The following FGF21 variants were observed in gnomAD, a reference collection of about 807,000 sequenced individuals.
The protein encoded by FGF21 is fibroblast growth factor 21.
A neutral mutation model predicts 13.4 loss-of-function variants in FGF21; 13 were observed. The observed-to-expected ratio is 0.97, with a 90% CI of 0.63 to 1.54. The LOEUF (loss-of-function observed/expected upper bound fraction) is 1.54. Ranked by LOEUF, FGF21 falls within the 40% of genes most tolerant of loss-of-function variation. FGF21 has a pLI of 0.00. For missense variants in FGF21, 303 were observed against 272.4 expected (o/e 1.11, Z -0.79); for synonymous variants, 124 against 123.6 (o/e 1.00, Z -0.02).
At position 48,756,412 on chromosome 19, in the gene FGF21, C is replaced by T. The variant is rs1465649236; in HGVS notation, c.176C>T (p.Ala59Val). The change falls in exon 2 of 4, where the codon GCC (alanine) becomes GTC (valine). Residue 59 changes from alanine to valine, a missense_variant. Coordinates refer to ENST00000593756, the MANE Select transcript of FGF21 (RefSeq NM_019113.4). ...ACAGATGATGCCCAGCAGACAGAAG[C>T]CCACCTGGAGATCAGGGAGGATGGG... ...LYTDDAQQTE[A>V]HLEIREDGTV... is the part of the protein sequence containing the mutation. The T allele has an allele frequency of 2.5e-6, 4 of 1,613,884 alleles. No individual in the cohort carries two copies. Among genetic ancestry groups the T allele is most frequent in the Middle Eastern group, 1.6e-4 (1 of 6,062 alleles).
In FGF21 at chr19:48,757,945, G is replaced by A; in HGVS notation, c.355G>A (p.Glu119Lys). 2 of 1,566,890 alleles carry A rather than the reference G, an allele frequency of 1.3e-6. No homozygotes were observed. The highest frequency in any genetic ancestry group is 1.7e-6 in the Non-Finnish European group (2 of 1,156,364). ...ALYGSLHFDP[E>K]ACSFRELLLE... ...TGTCCCCTAGCTCCACTTTGACCCTGAGGCCTGCAGCTTCCGGGAGCTGCT... is the reference window on the plus strand; with the variant it reads ...TGTCCCCTAGCTCCACTTTGACCCTAAGGCCTGCAGCTTCCGGGAGCTGCT... Residue 119 changes from glutamate (E) to lysine (K), a missense_variant, in exon 4 of 4, where the codon GAG becomes AAG. Glu to Lys is a moderately conservative substitution (Grantham distance 56, BLOSUM62 1). Transcript: ENST00000593756.
chr19:48,756,944 C>G lies in FGF21; in HGVS notation c.254C>G (p.Ala85Gly), dbSNP rs761964608. ...CCCTTAGGTCTCCTGCAGCTGAAAG[C>G]CTTGAAGCCGGGAGTTATTCAAATC... is the stretch of plus-strand genomic sequence containing the variant. ...QSPESLLQLK[A>G]LKPGVIQILG... Residue 85 changes from alanine to glycine, a missense_variant, in exon 3 of 4, where the codon GCC becomes GGC. By Grantham distance (60) the Ala-to-Gly change is moderately conservative. Coordinates refer to ENST00000593756, the MANE Select transcript of FGF21 (RefSeq NM_019113.4). The G allele has an allele frequency of 1.9e-6, 3 of 1,613,876 alleles. No individual in the cohort carries two copies. Among genetic ancestry groups the G allele is most frequent in the Middle Eastern group, 1.6e-4 (1 of 6,082 alleles).
At chr19:48,756,847 A>G (rs1269448640) in intron 2 of FGF21, 79 bp from the exon 3 acceptor site, 1 of 1,135,082 alleles carries the variant, frequency 8.8e-7, no homozygotes, top group South Asian at 1.3e-5. Flanking sequence ...ACAGAGCCGG[A>G]TGGTGGGACA....
chr19:48,757,915 GT>G lies in FGF21; in HGVS notation c.340-10del. On this transcript the variant is annotated splice_polypyrimidine_tract_variant and intron_variant, in intron 3 of 3. Coordinates refer to ENST00000593756, the MANE Select transcript of FGF21 (RefSeq NM_019113.4). The stretch of plus-strand genomic sequence containing the variant: ...ACAGAGGAACCCTGTCTCTGATCCT[GT>G]TTTTGTCCCCTAGCTCCACTTTGAC... 2 of 1,531,402 alleles carry G rather than the reference GT, an allele frequency of 1.3e-6. No homozygotes were observed. Among genetic ancestry groups the G allele is most frequent in the Non-Finnish European group, 1.8e-6 (2 of 1,139,326 alleles). The allele number at this position is 1,531,402 out of a possible 1,614,324, so 94.9% of individuals were successfully genotyped here.
chr19:48,757,986 C>T lies in FGF21; in HGVS notation c.396C>T (p.Tyr132=). The T allele has an allele frequency of 1.9e-6, 3 of 1,608,266 alleles. No individual in the cohort carries two copies. The highest frequency in any genetic ancestry group is 2.5e-6 in the Non-Finnish European group (3 of 1,177,222). ...GGGAGCTGCTTCTTGAGGACGGATA[C>T]AATGTTTACCAGTCCGAAGCCCACG... is the stretch of plus-strand genomic sequence containing the variant. ...SFRELLLEDG[Y]NVYQSEAHGL... is the part of the protein sequence containing the mutation. Residue 132 remains tyrosine (Y), a synonymous_variant, in exon 4 of 4, where the codon TAC becomes TAT. Coordinates refer to ENST00000593756, the MANE Select transcript of FGF21 (RefSeq NM_019113.4).
At chr19:48,756,648 G>A (rs1394664904) in intron 2 of FGF21, among the ~76,000 whole-genome samples, 177 bp downstream of exon 2, 1 of 150,276 alleles carries the variant, frequency 6.7e-6, no homozygotes, top group Non-Finnish European at 1.5e-5. Flanking sequence ...CTGGGTCTGA[G>A]GGAGGAGGGG....
Position 48,758,087 on chromosome 19 carries a change from C to A in FGF21, c.497C>A (p.Pro166Gln). Residue 166 changes from proline to glutamine, a missense_variant, in exon 4 of 4, where the codon CCA becomes CAA. By Grantham distance (76) the Pro-to-Gln change is moderately conservative. Coordinates refer to ENST00000593756, the MANE Select transcript of FGF21 (RefSeq NM_019113.4). Reference protein sequence around the residue: ...PAPRGPARFLPLPGLPPALPE... With the variant: ...PAPRGPARFLQLPGLPPALPE... ...CCCCGAGGACCAGCTCGCTTCCTGC[C>A]ACTACCAGGCCTGCCCCCCGCACTC... The A allele has an allele frequency of 6.2e-7, 1 of 1,612,376 alleles. No individual in the cohort carries two copies. The highest frequency in any genetic ancestry group is 8.5e-7 in the Non-Finnish European group (1 of 1,179,474).
In FGF21 at chr19:48,758,139, C is replaced by T. The variant is rs2034142409; in HGVS notation, c.549C>T (p.Pro183=). Residue 183 remains proline (P), a synonymous_variant, in exon 4 of 4, where the codon CCC becomes CCT. Coordinates refer to ENST00000593756, the MANE Select transcript of FGF21 (RefSeq NM_019113.4). ...CGGAGCCACCCGGAATCCTGGCCCCCCAGCCCCCCGATGTGGGCTCCTCGG... is the reference window on the plus strand; with the variant it reads ...CGGAGCCACCCGGAATCCTGGCCCCTCAGCCCCCCGATGTGGGCTCCTCGG... The part of the protein sequence containing the change: ...ALPEPPGILA[P]QPPDVGSSDP... 6.2e-7 allele frequency: 1 copy of T among 1,611,590 alleles called. No individual in the cohort carries two copies. Among genetic ancestry groups the T allele is most frequent in the Non-Finnish European group, 8.5e-7 (1 of 1,179,394 alleles).
Position 48,756,442 on chromosome 19 carries a change from TG to T in FGF21, c.212del (p.Gly71AlafsTer13). The T allele has an allele frequency of 6.2e-7, 1 of 1,613,138 alleles. No homozygotes were observed. The highest frequency in any genetic ancestry group is 1.7e-4 in the Middle Eastern group (1 of 6,050). On this transcript the variant is annotated frameshift_variant, in exon 2 of 4. Coordinates refer to ENST00000593756, the MANE Select transcript of FGF21 (RefSeq NM_019113.4). LOFTEE classifies it high-confidence loss of function. ...AHLEIREDGT[V>X]GGAADQSPES... The stretch of plus-strand genomic sequence containing the variant: ...CTGGAGATCAGGGAGGATGGGACGG[TG>T]GGGGGCGCTGCTGACCAGAGCCCCG...
At position 48,756,908 on chromosome 19, in the gene FGF21, A is replaced by G. The variant is rs2034112890; in HGVS notation, c.236-18A>G. 1 of 1,605,048 alleles carries G rather than the reference A, an allele frequency of 6.2e-7. No homozygotes were observed. The highest frequency in any genetic ancestry group is 1.7e-5 in the Admixed American group (1 of 59,938). On this transcript the variant is annotated intron_variant, in intron 2 of 3. Coordinates refer to ENST00000593756, the MANE Select transcript of FGF21 (RefSeq NM_019113.4). ...GTGGGAGAGGTCCTCGAACCACCTTATCGCTTTCACCCCTTAGGTCTCCTG... is the reference window on the plus strand; with the variant it reads ...GTGGGAGAGGTCCTCGAACCACCTTGTCGCTTTCACCCCTTAGGTCTCCTG...
intron 2 of FGF21, 131 bp from the exon 3 acceptor site, chr19:48,756,795 G>C: frequency 1.3e-6 from 1 of 771,864 alleles, no homozygotes. Context: ...TCCTGGGTCT[G>C]AGGGAGGAGG....
chr19:48,757,500 C>T (rs2034125048), intron 3 of FGF21, among the ~76,000 whole-genome samples: 2 of 152,176 alleles, frequency 1.3e-5, no homozygotes, highest in Non-Finnish European at 2.9e-5. Flanking sequence ...AGGCAGGTCC[C>T]TGCAGGAGAG....
At chr19:48,756,791 G>C in intron 2 of FGF21, 135 bp from the exon 3 acceptor site, 2 of 760,898 alleles carry the variant, frequency 2.6e-6, no homozygotes, top group Non-Finnish European at 4.5e-6. Flanking sequence ...CTTCTCCTGG[G>C]TCTGAGGGAG....
At chr19:48,756,693 G>T (rs2034107607) in intron 2 of FGF21, among the ~76,000 whole-genome samples, 2 of 151,708 alleles carry the variant, frequency 1.3e-5, no homozygotes, top group South Asian at 2.1e-4. Flanking sequence ...GGGAGGAGGG[G>T]CTGGGGGTCT....
At position 48,756,467 on chromosome 19, in the gene FGF21, C is replaced by T. The variant is rs779768254; in HGVS notation, c.231C>T (p.Pro77=). 1.1e-5 allele frequency: 18 copies of T among 1,611,644 alleles called. No individual in the cohort carries two copies. Among genetic ancestry groups the T allele is most frequent in the East Asian group, 6.7e-5 (3 of 44,822 alleles). Reference sequence around the variant, plus strand: ...TGGGGGGCGCTGCTGACCAGAGCCCCGAAAGTGAGTGTGGGCCAGAGCCTG... The same window carrying T: ...TGGGGGGCGCTGCTGACCAGAGCCCTGAAAGTGAGTGTGGGCCAGAGCCTG... ...GTVGGAADQS[P]ESLLQLKALK... The change falls in exon 2 of 4, where the codon CCC becomes CCT. Residue 77 remains proline, a synonymous_variant. Transcript: ENST00000593756.
rs1599769434 is a variant in FGF21, at chr19:48,756,166, G to A, written c.-71G>A. On this transcript the variant is annotated 5_prime_UTR_variant, in exon 2 of 4. Coordinates refer to ENST00000593756, the MANE Select transcript of FGF21 (RefSeq NM_019113.4). ...CTACTCACCTGGACAACTGGAATCTGGCACCAATTCTAAACCACTCAGCTT... is the reference window on the plus strand; with the variant it reads ...CTACTCACCTGGACAACTGGAATCTAGCACCAATTCTAAACCACTCAGCTT... The A allele has an allele frequency of 1.5e-6, 2 of 1,348,786 alleles. No individual in the cohort carries two copies. Among genetic ancestry groups the A allele is most frequent in the East Asian group, 2.4e-5 (1 of 41,212 alleles). 83.6% of individuals were successfully genotyped at this position (1,348,786 alleles called of 1,614,324 possible).
intron 3 of FGF21, 55 bp from the exon 4 acceptor site, chr19:48,757,875 T>C (rs2034135690): frequency 1.3e-6 from 2 of 1,485,998 alleles, no homozygotes; most frequent in Non-Finnish European, 1.8e-6. Flanking sequence ...GGATCCTGGG[T>C]CTTACATCAG....
Position 48,758,212 on chromosome 19 carries a change from G to A in FGF21, c.622G>A (p.Ala208Thr), listed in dbSNP as rs201833005. Residue 208 changes from alanine to threonine, a missense_variant, in exon 4 of 4, where the codon GCT becomes ACT. Physicochemically the swap from Ala to Thr is moderately conservative, Grantham distance 58. Coordinates refer to ENST00000593756, the MANE Select transcript of FGF21 (RefSeq NM_019113.4). ...GPSQGRSPSY[A>T]S The stretch of plus-strand genomic sequence containing the variant: ...TTCCCAGGGCCGAAGCCCCAGCTAC[G>A]CTTCCTGAAGCCAGAGGCTGTTTAC... 1.0e-4 allele frequency: 160 copies of A among 1,605,212 alleles called. 1 individual carries two copies. The highest frequency in any genetic ancestry group is 5.2e-4 in the Middle Eastern group (3 of 5,720).
At position 48,757,104 on chromosome 19, in the gene FGF21, T is replaced by A; in HGVS notation, c.339+75T>A. 2.7e-6 allele frequency: 3 copies of A among 1,106,650 alleles called. No homozygotes were observed. The South Asian group carries it at 3.9e-5, about 14-fold the overall frequency. The allele number at this position is 1,106,650 out of a possible 1,614,324, so 68.6% of individuals were successfully genotyped here. ...CGCCCTCACAGCCTGGGGTGCCTTG[T>A]CTTGCTCATCCCCCCCGGAGCCAGA... On this transcript the variant is annotated intron_variant, in intron 3 of 3. Coordinates refer to ENST00000593756, the MANE Select transcript of FGF21 (RefSeq NM_019113.4).
Sources: allele counts gnomAD v4.1 joint callset (sites outside exome capture counted in the v4.1 genomes callset), GRCh38; gene constraint gnomAD v4.1.1; transcripts MANE v1.5; gene names NCBI Gene and HGNC (gene_info 2026-07-23, HGNC 2026-07-21).